ZRANB3: variants seen among roughly 807,000 people sequenced by gnomAD.
The protein encoded by ZRANB3 is DNA annealing helicase and endonuclease ZRANB3.
Under a neutral mutation model 133.8 loss-of-function variants are expected in ZRANB3, and 125 were observed. The ratio of observed to expected loss-of-function variants is 0.93; its 90% confidence interval spans 0.81 to 1.08. ZRANB3 has a LOEUF of 1.08. ZRANB3 is among the 50% of genes least tolerant of loss of function. The pLI is 0.00. For synonymous variants in ZRANB3, 387 were observed against 432.7 expected, an observed-to-expected ratio of 0.89 and a Z score of 1.31; for missense variants, 1,229 against 1,275.5, an observed-to-expected ratio of 0.96 and a Z score of 0.56.
intron 2 of ZRANB3, among the ~76,000 whole-genome samples, chr2:135,450,552 G>A (rs1000059569): frequency 1.3e-5 from 2 of 152,020 alleles, no homozygotes; most frequent in East Asian, 1.9e-4. Flanking sequence ...CTGCTTTTAC[G>A]AGACTCTTAA....
At chr2:135,350,896 A>T (rs1288323828) in intron 4 of ZRANB3, among the ~76,000 whole-genome samples, 2 of 152,196 alleles carry the variant, frequency 1.3e-5, no homozygotes, top group Admixed American at 6.5e-5. Context: ...TATAATTCAT[A>T]CATCTGTAAT....
At chr2:135,334,660 C>T (rs1684290939) in intron 6 of ZRANB3, among the ~76,000 whole-genome samples, 1 of 151,916 alleles carries the variant, frequency 6.6e-6, no homozygotes, top group South Asian at 2.1e-4. Context: ...CTCTGGGAGG[C>T]CGAGGCAGGT....
intron 3 of ZRANB3, among the ~76,000 whole-genome samples, chr2:135,387,039 G>A (rs948856031): frequency 3.3e-5 from 5 of 150,994 alleles, no homozygotes; most frequent in South Asian, 2.1e-4. Flanking sequence ...AAAAGATACC[G>A]AAAGAAGGGG....
chr2:135,356,096 T>C (rs1466144288), intron 3 of ZRANB3, among the ~76,000 whole-genome samples: 1 of 152,022 alleles, frequency 6.6e-6, no homozygotes, highest in African/African-American at 2.4e-5. Flanking sequence ...TCATCTTGTC[T>C]ACTGAGATCA....
intron 3 of ZRANB3, 133 bp downstream of exon 3, chr2:135,390,669 C>T (rs1687184816): frequency 7.5e-7 from 1 of 1,336,114 alleles, no homozygotes; most frequent in Non-Finnish European, 1.0e-6. Context: ...CCTCACCCTC[C>T]CATCTTTCTC....
intron 3 of ZRANB3, among the ~76,000 whole-genome samples, chr2:135,370,608 A>G (rs535193619): frequency 9.2e-5 from 14 of 152,166 alleles, no homozygotes; most frequent in Non-Finnish European, 1.3e-4. Flanking sequence ...TGGATACAGG[A>G]AAAAAATGGC....
In ZRANB3 at chr2:135,197,341, T is replaced by C. The variant is rs1693451252; in HGVS notation, c.*3001A>G. The C allele has an allele frequency of 6.6e-6, 1 of 152,240 alleles. No homozygotes were observed. Among genetic ancestry groups the C allele is most frequent in the Admixed American group, 6.5e-5 (1 of 15,290 alleles). The allele number at this position is 152,240 out of a possible 1,614,324, so 9.4% of individuals were successfully genotyped here. ...TTTTTGTCTGTCATATAATTTAAAA[T>C]GCCTCATACTTTTATTTCTAAAGAA... On this transcript the variant is annotated 3_prime_UTR_variant, in exon 21 of 21. Coordinates refer to ENST00000264159, the MANE Select transcript of ZRANB3 (RefSeq NM_032143.4).
chr2:135,494,163 AAGGG>A lies in ZRANB3; in HGVS notation c.161+10162_161+10165del, dbSNP rs1156857573. ...GAAGGAAGGAAGGAAGGAAGGAAGG[AAGGG>A]AGGGAGGGAGGGAGGGAGGGAGGGC... is the stretch of plus-strand genomic sequence containing the variant. On this transcript the variant is annotated intron_variant, in intron 2 of 20. Coordinates refer to ENST00000264159, the MANE Select transcript of ZRANB3 (RefSeq NM_032143.4). Among the ~76,000 whole-genome samples the A allele has an allele frequency of 9.0e-4, 39 of 43,218 alleles. 1 individual carries two copies. In the South Asian group the frequency reaches 0.01, roughly 11 times the overall value. 28.4% of individuals were successfully genotyped at this position (43,218 alleles called of 152,430 possible).
At chr2:135,338,111 A>T (rs537601340) in intron 6 of ZRANB3, among the ~76,000 whole-genome samples, 1 of 152,328 alleles carries the variant, frequency 6.6e-6, no homozygotes, top group Non-Finnish European at 1.5e-5. Context: ...CATTAGTTTG[A>T]CAACATCTGT....
At chr2:135,232,508 C>T (rs926119396) in intron 12 of ZRANB3, among the ~76,000 whole-genome samples, 3 of 152,190 alleles carry the variant, frequency 2.0e-5, no homozygotes, top group African/African-American at 7.2e-5. Flanking sequence ...TAAGTGGGTC[C>T]CTGAACCCCG....
intron 3 of ZRANB3, among the ~76,000 whole-genome samples, chr2:135,361,606 T>C: frequency 6.6e-6 from 1 of 152,228 alleles, no homozygotes; most frequent in East Asian, 1.9e-4. Flanking sequence ...TTTAATGTTA[T>C]AAGCAGCTTG....
rs144915979 is a variant in ZRANB3, at chr2:135,329,649, C to T, written c.678-14119G>A. ...CATTGAATCTATAAACTACCTTGGG[C>T]AGTATGGCCATTTTCATGATATTGA... is the stretch of plus-strand genomic sequence containing the variant. On this transcript the variant is annotated intron_variant, in intron 6 of 20. Transcript: ENST00000264159. Among the ~76,000 whole-genome samples the T allele has an allele frequency of 7.1e-3, 1,081 of 152,282 alleles. 11 individuals are homozygous for T. The highest frequency in any genetic ancestry group is 0.024 in the African/African-American group (1,011 of 41,560).
intron 15 of ZRANB3, among the ~76,000 whole-genome samples, chr2:135,222,045 C>T (rs1348279519): frequency 6.6e-6 from 1 of 152,072 alleles, no homozygotes; most frequent in African/African-American, 2.4e-5. Context: ...TTTTAAACAT[C>T]GATATAATGG....
rs1370364930 is a variant in ZRANB3, at chr2:135,531,109, T to C, written c.-8+18A>G. 6.6e-6 allele frequency: 1 copy of C among 152,172 alleles called. No homozygotes were observed. The highest frequency in any genetic ancestry group is 1.5e-5 in the Non-Finnish European group (1 of 68,036). 9.4% of individuals were successfully genotyped at this position (152,172 alleles called of 1,614,324 possible). On this transcript the variant is annotated intron_variant, in intron 1 of 20. Coordinates refer to ENST00000264159, the MANE Select transcript of ZRANB3 (RefSeq NM_032143.4). ...ACTATAAATACCCACTGAGGAGATC[T>C]GGTTGTCTTTTAAATACCTCGAGTC...
At chr2:135,503,062 T>C (rs1046450976) in intron 2 of ZRANB3, among the ~76,000 whole-genome samples, 1 of 151,686 alleles carries the variant, frequency 6.6e-6, no homozygotes, top group Admixed American at 6.6e-5. Context: ...AATGTGAGAG[T>C]GGGGACTGAC....
intron 3 of ZRANB3, among the ~76,000 whole-genome samples, chr2:135,374,984 A>G (rs928413406): frequency 6.6e-6 from 1 of 150,674 alleles, no homozygotes; most frequent in Non-Finnish European, 1.5e-5. Flanking sequence ...ATAGAGAATT[A>G]CAAATGAAAA....
chr2:135,207,114 G>A (rs1693897649), intron 19 of ZRANB3, among the ~76,000 whole-genome samples: 1 of 151,812 alleles, frequency 6.6e-6, no homozygotes, highest in African/African-American at 2.4e-5. Flanking sequence ...GCAGTGAGTT[G>A]AGATTGCGCC....
At chr2:135,393,133 G>A (rs535034911) in intron 2 of ZRANB3, among the ~76,000 whole-genome samples, 28 of 151,932 alleles carry the variant, frequency 1.8e-4, no homozygotes, top group Middle Eastern at 6.8e-3. Context: ...CTCCCAAACT[G>A]GTGGGATTAT....
At chr2:135,420,005 T>C (rs1280263736) in intron 2 of ZRANB3, among the ~76,000 whole-genome samples, 1 of 149,842 alleles carries the variant, frequency 6.7e-6, no homozygotes, top group African/African-American at 2.4e-5. Flanking sequence ...GCCATATACA[T>C]ATATATGTAC....
Sources: gnomAD v4.1 joint callset for allele counts (sites outside exome capture counted in the v4.1 genomes callset) on GRCh38, gnomAD v4.1.1 for gene constraint, MANE v1.5 for transcripts, NCBI Gene and HGNC (gene_info 2026-07-23, HGNC 2026-07-21) for gene names.